The following DAP3 variants were observed in gnomAD, a reference collection of about 807,000 sequenced individuals.
DAP3 encodes the protein death associated protein 3, also known as small ribosomal subunit protein mS29.
In DAP3, 28 loss-of-function variants were observed where a neutral mutation model predicts 51.9. That is an observed-to-expected ratio of 0.54 (90% CI 0.40 to 0.74). The LOEUF (loss-of-function observed/expected upper bound fraction) is 0.74, where lower values mean the gene tolerates loss of function less well. DAP3 is among the 30% of genes least tolerant of loss of function. The pLI, the probability that DAP3 is intolerant of heterozygous loss-of-function variation, is 0.00. For missense variants in DAP3, 458 were observed against 483.5 expected (o/e 0.95, Z 0.49); for synonymous variants, 170 against 170.3 (o/e 1.00, Z 0.01).
chr1:155,689,968 A>AAAATTTGCTCATGGTAGAATT (rs1558327477), intron 1 of DAP3, among the ~76,000 whole-genome samples: 2 of 143,092 alleles, frequency 1.4e-5, no homozygotes, highest in African/African-American at 6.1e-5. Flanking sequence ...GCTCCTAGGC[A>AAAATTTGCTCATGGTAGAATT]TAGGGAAGGT....
At chr1:155,688,033 G>A, upstream of DAP3, 1 of 1,542,912 alleles carries the variant, frequency 6.5e-7, no homozygotes, top group Non-Finnish European at 8.8e-7. Context: ...CTGAGAGAGT[G>A]CTTAGGCCCG....
chr1:155,700,516 G>T (rs942148512), intron 1 of DAP3, among the ~76,000 whole-genome samples: 2 of 50,340 alleles, frequency 4.0e-5, no homozygotes, highest in East Asian at 4.5e-3. Context: ...GAGGGAGGTG[G>T]GGGGGGCGGT....
At chr1:155,709,877 A>ATTC (rs1239913388) in intron 2 of DAP3, 53 bp downstream of exon 2, 1 of 1,561,932 alleles carries the variant, frequency 6.4e-7, no homozygotes, top group East Asian at 2.2e-5. Flanking sequence ...AGGTTCCCAG[A>ATTC]TTCTTGTTTT....
chr1:155,691,737 C>T (rs893896718), intron 1 of DAP3, among the ~76,000 whole-genome samples: 6 of 142,028 alleles, frequency 4.2e-5, no homozygotes, highest in Non-Finnish European at 5.9e-5. Context: ...CAGATTCTAT[C>T]CAACACATGT....
intron 5 of DAP3, 39 bp downstream of exon 5, chr1:155,725,529 G>A (rs373116379): frequency 1.2e-5 from 19 of 1,553,798 alleles, no homozygotes; most frequent in Non-Finnish European, 1.7e-5. Context: ...ATGAACCAAT[G>A]CTTTCTCCCC....
chr1:155,714,055 G>C (rs1389361092), intron 2 of DAP3, among the ~76,000 whole-genome samples: 4 of 152,196 alleles, frequency 2.6e-5, no homozygotes, highest in Non-Finnish European at 5.9e-5. Context: ...TAAATGGGGA[G>C]AGAGGGAAGT....
chr1:155,731,182 G>A (rs140094206), intron 9 of DAP3, among the ~76,000 whole-genome samples, 174 bp from the exon 10 acceptor site: 23 of 151,818 alleles, frequency 1.5e-4, no homozygotes, highest in African/African-American at 3.9e-4. Flanking sequence ...CAGGAGAATC[G>A]CTTGAACCCA....
upstream of DAP3, chr1:155,688,396 C>T (rs1652986504): frequency 3.9e-6 from 6 of 1,543,852 alleles, no homozygotes; most frequent in African/African-American, 5.5e-5. Flanking sequence ...CTAGCGACAC[C>T]CCCAACCTCC....
At chr1:155,737,533 T>C (rs999656301) in intron 12 of DAP3, among the ~76,000 whole-genome samples, 2 of 152,198 alleles carry the variant, frequency 1.3e-5, no homozygotes, top group African/African-American at 4.8e-5. Flanking sequence ...ACTGAAAGCA[T>C]TCCAACTGTT....
chr1:155,709,561 C>A (rs1009397929), intron 1 of DAP3, among the ~76,000 whole-genome samples: 3 of 152,124 alleles, frequency 2.0e-5, no homozygotes, highest in Non-Finnish European at 4.4e-5. Context: ...AAAATCTTTT[C>A]ATGGGTTCAC....
intron 1 of DAP3, among the ~76,000 whole-genome samples, chr1:155,701,554 G>C (rs1254199644): frequency 1.7e-5 from 2 of 120,084 alleles, no homozygotes; most frequent in African/African-American, 6.8e-5. Context: ...AAGGCCGCAG[G>C]GTCCTCTGCC....
In DAP3 at chr1:155,729,156, A is replaced by G. The variant is rs367572641; in HGVS notation, c.684+34A>G. ...AAAAACACTGAATGTGTAACATGCG[A>G]TAACAAGAGAAGGCCTCTGGTAGCA... is the stretch of plus-strand genomic sequence containing the variant. On this transcript the variant is annotated intron_variant, in intron 8 of 12. Transcript: ENST00000368336. The G allele has an allele frequency of 6.8e-6, 11 of 1,614,052 alleles. No individual in the cohort carries two copies. The African/African-American group carries it at 1.3e-4, about 20-fold the overall frequency.
rs537481688 is a variant in DAP3, at chr1:155,710,229, CT to C, written c.45+423del. ...ATATTTACCAAATAGTTTTTCAGTA[CT>C]TTTTTTTTTTTTTTTTTGAGACAGA... is the stretch of plus-strand genomic sequence containing the variant. On this transcript the variant is annotated intron_variant, in intron 2 of 12. Transcript: ENST00000368336. 6.5e-3 allele frequency: 896 copies of C among 137,056 alleles called. 2 individuals carry two copies. The highest frequency in any genetic ancestry group is 7.9e-3 in the Admixed American group (107 of 13,554). The allele number at this position is 137,056 out of a possible 1,614,324, so 8.5% of individuals were successfully genotyped here.
chr1:155,734,722 GTA>G (rs147518186), intron 11 of DAP3, among the ~76,000 whole-genome samples: 3,941 of 152,130 alleles, frequency 0.026, 170 homozygotes, highest in African/African-American at 0.088. Context: ...ATGTATGTAT[GTA>G]TATGTGTGAA....
chr1:155,695,362 C>A (rs1009595203), intron 1 of DAP3, among the ~76,000 whole-genome samples: 9 of 152,208 alleles, frequency 5.9e-5, no homozygotes, highest in African/African-American at 2.2e-4. Context: ...ACGGTAGTTG[C>A]AGTACCTGGC....
rs1410325657 is a variant in DAP3 at position 155,731,422 on chromosome 1, GCATATGATA to G, written c.903+9_903+17del. ...AATGATGAAAAATGATTGGGTAAGT[GCATATGATA>G]CCTCACACATTTCAGAAAGAAATGT... On this transcript the variant is annotated splice_region_variant and intron_variant, in intron 10 of 12. Transcript: ENST00000368336. 3 of 1,613,150 alleles carry G rather than the reference GCATATGATA, an allele frequency of 1.9e-6. No individual in the cohort carries two copies. The highest frequency in any genetic ancestry group is 8.5e-7 in the Non-Finnish European group (1 of 1,179,432).
chr1:155,710,837 T>TC (rs982071070), intron 2 of DAP3, among the ~76,000 whole-genome samples: 106 of 152,160 alleles, frequency 7.0e-4, no homozygotes, highest in African/African-American at 2.5e-3. Context: ...CATTTTATGG[T>TC]CCATGTTCTC....
At chr1:155,721,419 C>G in intron 3 of DAP3, 98 bp from the exon 4 acceptor site, 1 of 628,726 alleles carries the variant, frequency 1.6e-6, no homozygotes, top group Non-Finnish European at 2.7e-6. Context: ...TATATATATA[C>G]ACATAGACAT....
Position 155,727,749 on chromosome 1 carries a change from T to G in DAP3, c.603+11T>G, listed in dbSNP as rs1166375030. The G allele has an allele frequency of 1.9e-6, 3 of 1,613,138 alleles. No individual in the cohort carries two copies. The highest frequency in any genetic ancestry group is 2.5e-6 in the Non-Finnish European group (3 of 1,179,528). On this transcript the variant is annotated intron_variant, in intron 7 of 12. Coordinates refer to ENST00000368336, the MANE Select transcript of DAP3 (RefSeq NM_004632.4). ...CGCTTCCTGAACCAGGTGACTAGAC[T>G]CCCAGAAGTTGAGTGCTAGGTAGTC... is the stretch of plus-strand genomic sequence containing the variant.
Sources: gnomAD v4.1 joint callset for allele counts (sites outside exome capture counted in the v4.1 genomes callset) on GRCh38, gnomAD v4.1.1 for gene constraint, MANE v1.5 for transcripts, NCBI Gene and HGNC (gene_info 2026-07-23, HGNC 2026-07-21) for gene names.